The following PALLD variants were observed in gnomAD, a reference collection of about 807,000 sequenced individuals.
PALLD encodes the protein palladin, cytoskeletal associated protein, also known as palladin.
A neutral mutation model predicts 123.5 loss-of-function variants in PALLD; 61 were observed. The ratio of observed to expected loss-of-function variants is 0.49; its 90% CI spans 0.40 to 0.61. The LOEUF (loss-of-function observed/expected upper bound fraction) is 0.61, where lower values mean the gene tolerates loss of function less well. PALLD is among the 20% of genes least tolerant of loss of function. PALLD has a pLI of 0.00. For synonymous variants in PALLD, 465 were observed against 496.4 expected (o/e 0.94, Z 0.84); for missense variants, 1,273 against 1,377.0 (o/e 0.92, Z 1.20).
chr4:168,717,233 T>C (rs1206690191), intron 10 of PALLD, among the ~76,000 whole-genome samples: 1 of 152,174 alleles, frequency 6.6e-6, no homozygotes, highest in African/African-American at 2.4e-5. Flanking sequence ...TAGTAGATGC[T>C]CAACGATGTT....
chr4:168,732,393 G>A (rs942315129), intron 10 of PALLD, among the ~76,000 whole-genome samples: 1 of 152,150 alleles, frequency 6.6e-6, no homozygotes, highest in Admixed American at 6.6e-5. Context: ...GAAGAAATGT[G>A]ATATGTATTA....
intron 2 of PALLD, among the ~76,000 whole-genome samples, chr4:168,593,901 G>T (rs965802486): frequency 1.3e-5 from 2 of 152,146 alleles, no homozygotes; most frequent in South Asian, 2.1e-4. Flanking sequence ...GACATAAAGT[G>T]ATTTTGTATT....
intron 10 of PALLD, among the ~76,000 whole-genome samples, chr4:168,756,676 T>C (rs964472039): frequency 1.3e-5 from 2 of 152,170 alleles, no homozygotes; most frequent in African/African-American, 4.8e-5. Context: ...AACCGAGAGA[T>C]CTGTGGCCAG....
At chr4:168,756,623 A>T (rs995865716) in intron 10 of PALLD, among the ~76,000 whole-genome samples, 12 of 152,162 alleles carry the variant, frequency 7.9e-5, no homozygotes, top group African/African-American at 2.9e-4. Context: ...GTATTTATGG[A>T]CGTGGTGAAG....
At chr4:168,883,914 T>C (rs1581901897) in intron 10 of PALLD, among the ~76,000 whole-genome samples, 1 of 149,532 alleles carries the variant, frequency 6.7e-6, no homozygotes, top group Non-Finnish European at 1.5e-5. Context: ...TAACTTTGAA[T>C]ACTATTTTAT....
intron 10 of PALLD, among the ~76,000 whole-genome samples, chr4:168,731,037 T>G (rs944427302): frequency 1.3e-5 from 2 of 152,152 alleles, no homozygotes; most frequent in Admixed American, 6.5e-5. Context: ...TCAGCCAGTC[T>G]TCTTGTACTA....
At chr4:168,611,585 A>T (rs1773732786) in intron 2 of PALLD, among the ~76,000 whole-genome samples, 2 of 152,224 alleles carry the variant, frequency 1.3e-5, no homozygotes, top group South Asian at 4.1e-4. Context: ...ATCTATAAGC[A>T]AAACTGAGGT....
At chr4:168,823,837 A>G (rs763800498) in intron 10 of PALLD, among the ~76,000 whole-genome samples, 2 of 152,258 alleles carry the variant, frequency 1.3e-5, no homozygotes, top group African/African-American at 2.4e-5. Context: ...TTCCTCCATG[A>G]TGCTAAAAGA....
Position 168,672,754 on chromosome 4 carries a change from G to A in PALLD, c.1087+4386G>A, listed in dbSNP as rs537565200. ...ATTACAGGCGTGAGCCACCTCGCCC[G>A]GCCAAGATGAACTTTTTTAACAGCA... is the stretch of plus-strand genomic sequence containing the variant. On this transcript the variant is annotated intron_variant, in intron 3 of 21. Transcript: ENST00000505667. 5.3e-5 allele frequency among the ~76,000 whole-genome samples: 8 copies of A among 152,222 alleles called. No homozygotes were observed. The East Asian group carries it at 7.7e-4, about 15-fold the overall frequency.
chr4:168,793,352 TACATATATGTGTGCATATATATC>T lies in PALLD; in HGVS notation c.1964+81438_1964+81460del, dbSNP rs1561529864. ...ATACATATATATGTGTGCATATATA[TACATATATGTGTGCATATATATC>T]ACATATATATACACACACATACATA... On this transcript the variant is annotated intron_variant, in intron 10 of 21. Transcript: ENST00000505667. Among the ~76,000 whole-genome samples, 8 of 78,844 alleles carry T rather than the reference TACATATATGTGTGCATATATATC, an allele frequency of 1.0e-4. 1 individual carries two copies. The highest frequency in any genetic ancestry group is 2.2e-4 in the Admixed American group (2 of 8,944). 51.7% of individuals were successfully genotyped at this position (78,844 alleles called of 152,430 possible). A position where few individuals can be genotyped will look rare whatever the true frequency, so the allele number is the denominator to read the frequency against.
intron 12 of PALLD, among the ~76,000 whole-genome samples, chr4:168,895,411 C>T (rs550991863): frequency 1.6e-4 from 25 of 152,236 alleles, no homozygotes; most frequent in African/African-American, 4.6e-4. Context: ...AACACATATA[C>T]GACTTTTGAC....
chr4:168,921,431 C>T (rs1761492749), intron 17 of PALLD, 103 bp from the exon 18 acceptor site: 3 of 678,258 alleles, frequency 4.4e-6, no homozygotes, highest in Admixed American at 2.8e-5. Context: ...AAAAAAGCCA[C>T]CTCTTGTACT....
intron 2 of PALLD, among the ~76,000 whole-genome samples, chr4:168,528,844 T>A (rs1462781272): frequency 6.6e-6 from 1 of 152,196 alleles, no homozygotes; most frequent in African/African-American, 2.4e-5. Flanking sequence ...ACAGGGGAAC[T>A]CTTAGGCATT....
chr4:168,553,565 C>A (rs1477125149), intron 2 of PALLD, among the ~76,000 whole-genome samples: 2 of 152,166 alleles, frequency 1.3e-5, no homozygotes, highest in African/African-American at 4.8e-5. Flanking sequence ...TACAAAGGAA[C>A]CTGTGGTATT....
chr4:168,529,428 G>A (rs1398875238), intron 2 of PALLD, among the ~76,000 whole-genome samples: 1 of 152,120 alleles, frequency 6.6e-6, no homozygotes, highest in East Asian at 1.9e-4. Context: ...GCAAGTGCAG[G>A]GAGCCAGGCG....
chr4:168,626,268 G>T, intron 2 of PALLD, among the ~76,000 whole-genome samples: 1 of 152,084 alleles, frequency 6.6e-6, no homozygotes, highest in South Asian at 2.1e-4. Flanking sequence ...CGGGCGTGGT[G>T]GTGGGCTCCT....
chr4:168,670,795 A>G, intron 3 of PALLD, among the ~76,000 whole-genome samples: 2 of 141,928 alleles, frequency 1.4e-5, no homozygotes, highest in African/African-American at 2.7e-5. Context: ...AAAACAAAAA[A>G]AACAAAAAAG....
chr4:168,579,315 G>A (rs957768796), intron 2 of PALLD, among the ~76,000 whole-genome samples: 2 of 152,130 alleles, frequency 1.3e-5, no homozygotes, highest in Non-Finnish European at 2.9e-5. Context: ...ATATTAAATG[G>A]AATGTCATAT....
chr4:168,688,403 C>T lies in PALLD; in HGVS notation c.1336-2200C>T, dbSNP rs150013354. 1.3e-3 allele frequency among the ~76,000 whole-genome samples: 191 copies of T among 152,302 alleles called. 1 individual carries two copies. In the East Asian group the frequency reaches 0.021, roughly 16 times the overall value. On this transcript the variant is annotated intron_variant, in intron 6 of 21. Coordinates refer to ENST00000505667, the MANE Select transcript of PALLD (RefSeq NM_001166108.2). ...TGGTGGACCACAGGACTGTGGGTAGCATGGACGTACATGTGACATTTCTTC... is the reference window on the plus strand; with the variant it reads ...TGGTGGACCACAGGACTGTGGGTAGTATGGACGTACATGTGACATTTCTTC...
Sources: gnomAD v4.1 joint callset for allele counts (sites outside exome capture counted in the v4.1 genomes callset) on GRCh38, gnomAD v4.1.1 for gene constraint, MANE v1.5 for transcripts, NCBI Gene and HGNC (gene_info 2026-07-23, HGNC 2026-07-21) for gene names.